The following PCDHGA5 variants were observed in gnomAD, a reference collection of about 807,000 sequenced individuals.
The protein encoded by PCDHGA5 is protocadherin gamma-A5.
A neutral mutation model predicts 56.7 loss-of-function variants in PCDHGA5; 36 were observed. The observed-to-expected ratio is 0.64, with a 90% CI of 0.49 to 0.84. PCDHGA5 has a LOEUF of 0.84. Among genes scored for constraint, PCDHGA5 ranks in the 40% least tolerant of loss-of-function variants. PCDHGA5 has a pLI of 0.00. For missense variants in PCDHGA5, 1,305 were observed against 1,201.5 expected (o/e 1.09, Z -1.27); for synonymous variants, 563 against 520.2 (o/e 1.08, Z -1.12).
chr5:141,430,773 G>A (rs375524585), intron 1 of PCDHGA5: 2 of 1,507,932 alleles, frequency 1.3e-6, no homozygotes, highest in Non-Finnish European at 1.8e-6. Flanking sequence ...ATTCCTGCGC[G>A]ACTGCACCGG....
chr5:141,463,382 T>C (rs2099057893), intron 1 of PCDHGA5, among the ~76,000 whole-genome samples: 1 of 151,594 alleles, frequency 6.6e-6, no homozygotes, highest in Admixed American at 6.6e-5. Context: ...AGTCTGAAAG[T>C]TGTCTCCAGG....
At chr5:141,403,225 C>T (rs2154532251) in intron 1 of PCDHGA5, 2 of 1,613,958 alleles carry the variant, frequency 1.2e-6, no homozygotes, top group Non-Finnish European at 1.7e-6. Flanking sequence ...GTAGGATAGA[C>T]CGGGAGGAGC....
intron 1 of PCDHGA5, among the ~76,000 whole-genome samples, chr5:141,373,448 A>G (rs1222167588): frequency 6.6e-6 from 1 of 152,218 alleles, no homozygotes; most frequent in Non-Finnish European, 1.5e-5. Flanking sequence ...CCTTGATCCC[A>G]GGAGGTAGCA....
intron 1 of PCDHGA5, chr5:141,478,419 G>A (rs2530208): frequency 3.7e-6 from 6 of 1,613,632 alleles, no homozygotes; most frequent in South Asian, 2.2e-5. Context: ...GACTCCCGCC[G>A]CAGCGACCCG....
At chr5:141,420,076 TC>T (rs2096464805) in intron 1 of PCDHGA5, 2 of 1,613,956 alleles carry the variant, frequency 1.2e-6, no homozygotes, top group East Asian at 2.2e-5. Flanking sequence ...GACCTGTGGG[TC>T]CCCCCAACTA....
intron 1 of PCDHGA5, chr5:141,408,684 A>G (rs1660685979): frequency 6.2e-7 from 1 of 1,613,862 alleles, no homozygotes; most frequent in African/African-American, 1.3e-5. Context: ...ACGGATCCTG[A>G]TATAAACATA....
intron 1 of PCDHGA5, among the ~76,000 whole-genome samples, chr5:141,481,761 G>A (rs984825493): frequency 2.6e-5 from 4 of 152,234 alleles, no homozygotes; most frequent in Non-Finnish European, 2.9e-5. Context: ...AGACCAGCCT[G>A]GCCAACATGG....
intron 1 of PCDHGA5, chr5:141,428,119 C>T (rs2097112199): frequency 6.2e-7 from 1 of 1,606,512 alleles, no homozygotes; most frequent in Non-Finnish European, 8.5e-7. Context: ...GCCATCGAGC[C>T]CGGGCTTTTC....
intron 1 of PCDHGA5, among the ~76,000 whole-genome samples, chr5:141,451,924 G>C (rs1337159204): frequency 1.3e-5 from 2 of 152,008 alleles, no homozygotes; most frequent in African/African-American, 4.8e-5. Context: ...AAGGAAGGGA[G>C]GTAGGGAGGC....
chr5:141,380,638 T>G (rs1776626783), intron 1 of PCDHGA5, among the ~76,000 whole-genome samples: 1 of 152,254 alleles, frequency 6.6e-6, no homozygotes, highest in Non-Finnish European at 1.5e-5. Context: ...AAAATGTGAA[T>G]GCTAGAGACA....
At chr5:141,403,960 G>A (rs775638627) in intron 1 of PCDHGA5, 10 of 1,613,658 alleles carry the variant, frequency 6.2e-6, no homozygotes, top group East Asian at 4.5e-5. Flanking sequence ...TGCTCATTTC[G>A]GTGGAAGATG....
chr5:141,494,923 G>A lies in PCDHGA5; in HGVS notation c.2480+58G>A, dbSNP rs572227346. Reference sequence around the variant, plus strand: ...TCTGCGGCATTTTCTCAGGGATGACGTGGGAGGAGATGGGGGAGGGCCCAG... The same window carrying A: ...TCTGCGGCATTTTCTCAGGGATGACATGGGAGGAGATGGGGGAGGGCCCAG... On this transcript the variant is annotated intron_variant, in intron 2 of 3. Coordinates refer to ENST00000518069, the MANE Select transcript of PCDHGA5 (RefSeq NM_018918.3). The A allele has an allele frequency of 8.9e-5, 143 of 1,613,698 alleles. 1 individual carries two copies. In the Middle Eastern group the frequency reaches 1.8e-3, roughly 20 times the overall value.
rs753256077 is a variant in PCDHGA5 at position 141,431,467 on chromosome 5, C to A, written c.2422-63340C>A. On this transcript the variant is annotated intron_variant, in intron 1 of 3. Coordinates refer to ENST00000518069, the MANE Select transcript of PCDHGA5 (RefSeq NM_018918.3). The surrounding 1 kb of genome is among the most constrained non-coding windows in gnomAD (Gnocchi z 4.8). The stretch of plus-strand genomic sequence containing the variant: ...TCCGCGTGATGGTTCTGGATGCGAA[C>A]GACAACGCACCAGCGTTTGCTCAGC... 1.9e-5 allele frequency: 31 copies of A among 1,613,684 alleles called. No homozygotes were observed. The highest frequency in any genetic ancestry group is 3.4e-6 in the Non-Finnish European group (4 of 1,179,964).
chr5:141,430,365 G>GA lies in PCDHGA5; in HGVS notation c.2421+63622dup, dbSNP rs202146484. Among the ~76,000 whole-genome samples, 583 of 147,736 alleles carry GA rather than the reference G, an allele frequency of 3.9e-3. 6 individuals are homozygous for GA. The highest frequency in any genetic ancestry group is 0.011 in the Admixed American group (169 of 14,894). On this transcript the variant is annotated intron_variant, in intron 1 of 3. Coordinates refer to ENST00000518069, the MANE Select transcript of PCDHGA5 (RefSeq NM_018918.3). ...CCAATTCATTTAAAAGCTCATTGGG[G>GA]AAAAAAAAGCTCATTGGGAAAAAAA...
In PCDHGA5 at chr5:141,432,365, G is replaced by A. The variant is rs1561860587; in HGVS notation, c.2422-62442G>A. The A allele has an allele frequency of 6.2e-7, 1 of 1,614,224 alleles. No homozygotes were observed. The highest frequency in any genetic ancestry group is 2.2e-5 in the East Asian group (1 of 44,882). ...CTTGCAAGTGAAAGTGATGGCGCGG[G>A]ACAACGGGCACCCGCCCCTCAGCAG... On this transcript the variant is annotated intron_variant, in intron 1 of 3. Transcript: ENST00000518069. The surrounding 1 kb of genome is among the most constrained non-coding windows in gnomAD (Gnocchi z 6.0).
chr5:141,368,520 A>G (rs886509819), intron 1 of PCDHGA5, among the ~76,000 whole-genome samples: 7 of 152,168 alleles, frequency 4.6e-5, no homozygotes, highest in Admixed American at 6.5e-5. Flanking sequence ...ATTCACTCCT[A>G]TGTGAAAACT....
intron 1 of PCDHGA5, among the ~76,000 whole-genome samples, chr5:141,464,794 A>C (rs2154568597): frequency 6.6e-6 from 1 of 152,128 alleles, no homozygotes; most frequent in East Asian, 1.9e-4. Flanking sequence ...GCCAAATTGC[A>C]GTGATGCAGT....
At chr5:141,415,012 C>T (rs1451963535) in intron 1 of PCDHGA5, 2 of 1,613,644 alleles carry the variant, frequency 1.2e-6, no homozygotes, top group South Asian at 1.1e-5. Context: ...CTACCGTCTG[C>T]TCAAGGCCAG....
intron 1 of PCDHGA5, chr5:141,402,809 C>A: frequency 4.9e-6 from 6 of 1,214,046 alleles, no homozygotes; most frequent in Non-Finnish European, 6.6e-6. Flanking sequence ...CCGGCAGATA[C>A]CACAAACCTG....
Sources: gnomAD v4.1 joint callset for allele counts (sites outside exome capture counted in the v4.1 genomes callset) on GRCh38, gnomAD v4.1.1 for gene constraint, Gnocchi (gnomAD v3.1) non-coding constraint, MANE v1.5 for transcripts, NCBI Gene and HGNC (gene_info 2026-07-23, HGNC 2026-07-21) for gene names.